CX3CL1: variants seen among roughly 807,000 people sequenced by gnomAD.
CX3CL1 encodes fractalkine.
Under a neutral mutation model 14.1 loss-of-function variants are expected in CX3CL1, and 1 was observed. The ratio of observed to expected loss-of-function variants is 0.07; its 90% confidence interval spans 0.03 to 0.34. CX3CL1 has a LOEUF of 0.34. Ranked by LOEUF, CX3CL1 falls within the 10% of genes least tolerant of loss-of-function variation. CX3CL1 has a pLI of 0.99. For synonymous variants in CX3CL1, 255 were observed against 229.6 expected (o/e 1.11, Z -1.00); for missense variants, 505 against 536.4 (o/e 0.94, Z 0.58).
chr16:57,372,773 A>C, intron 1 of CX3CL1, 135 bp downstream of exon 1: 1 of 810,066 alleles, frequency 1.2e-6, no homozygotes, highest in Non-Finnish European at 2.0e-6. Context: ...TTCCCCAGGG[A>C]TGTGCGAGAG....
intron 1 of CX3CL1, among the ~76,000 whole-genome samples, chr16:57,373,606 T>A (rs1256721212): frequency 6.6e-6 from 1 of 151,978 alleles, no homozygotes; most frequent in Non-Finnish European, 1.5e-5. Context: ...GATATTTCCA[T>A]GGAGCAAACT....
At chr16:57,380,375 C>T (rs71387165) in intron 2 of CX3CL1, among the ~76,000 whole-genome samples, 14,678 of 152,092 alleles carry the variant, frequency 0.097, 944 homozygotes, top group South Asian at 0.19. Flanking sequence ...CTGGCCAACA[C>T]GGTGAAACCC....
chr16:57,380,025 G>A (rs1902297977), intron 2 of CX3CL1, among the ~76,000 whole-genome samples: 1 of 152,194 alleles, frequency 6.6e-6, no homozygotes, highest in African/African-American at 2.4e-5. Context: ...CATGAAGGGT[G>A]GTAATTCCTC....
intron 2 of CX3CL1, among the ~76,000 whole-genome samples, chr16:57,379,999 T>A (rs1451629905): frequency 6.6e-6 from 1 of 152,154 alleles, no homozygotes; most frequent in East Asian, 1.9e-4. Flanking sequence ...CACCCTGGCT[T>A]GTGGCCTGGA....
intron 1 of CX3CL1, among the ~76,000 whole-genome samples, chr16:57,374,449 A>G (rs1902219570): frequency 6.6e-6 from 1 of 152,158 alleles, no homozygotes. Context: ...CCTGGCAAGA[A>G]AGAGAAAAAA....
At position 57,382,444 on chromosome 16, in the gene CX3CL1, C is replaced by T. The variant is rs750530311; in HGVS notation, c.606C>T (p.Pro202=). Residue 202 remains proline (P), a synonymous_variant, in exon 3 of 3, where the codon CCC becomes CCT. Transcript: ENST00000006053. The surrounding 1 kb of genome is among the most constrained non-coding windows in gnomAD (Gnocchi z 6.9). ...STAATWQSSA[P]HQPGPSLWAE... ...CCGCCACGTGGCAGAGTTCTGCTCC[C>T]CACCAACCTGGGCCCAGCCTCTGGG... 1.9e-6 allele frequency: 3 copies of T among 1,612,898 alleles called. No homozygotes were observed. Among genetic ancestry groups the T allele is most frequent in the African/African-American group, 1.3e-5 (1 of 74,918 alleles).
At chr16:57,379,405 A>C (rs1844247411) in intron 1 of CX3CL1, 2 of 516,932 alleles carry the variant, frequency 3.9e-6, no homozygotes, top group Admixed American at 7.0e-5. Flanking sequence ...TCTTATTCTT[A>C]CAACAAGACT....
At chr16:57,372,713 C>T (rs1306835690) in intron 1 of CX3CL1, 75 bp downstream of exon 1, 1 of 1,500,686 alleles carries the variant, frequency 6.7e-7, no homozygotes, top group Non-Finnish European at 9.2e-7. Flanking sequence ...AGCCTGACAT[C>T]AGGGGCCCCA....
In CX3CL1 at chr16:57,382,349, C is replaced by A; in HGVS notation, c.511C>A (p.Pro171Thr). ...VTGSSGTRLP[P>T]TPKAQDGGPV... is the part of the protein sequence containing the mutation. ...TGGTTCCTCAGGGACCAGGCTCCCCCCGACGCCAAAGGCTCAGGATGGAGG... is the reference window on the plus strand; with the variant it reads ...TGGTTCCTCAGGGACCAGGCTCCCCACGACGCCAAAGGCTCAGGATGGAGG... The change falls in exon 3 of 3, where the codon CCG (proline) becomes ACG (threonine). Residue 171 changes from proline (P) to threonine (T), a missense_variant. Pro to Thr is a conservative substitution (Grantham distance 38). Transcript: ENST00000006053. The surrounding 1 kb of genome is among the most constrained non-coding windows in gnomAD (Gnocchi z 6.9). The A allele has an allele frequency of 1.2e-6, 2 of 1,609,458 alleles. No individual in the cohort carries two copies. The highest frequency in any genetic ancestry group is 1.7e-6 in the Non-Finnish European group (2 of 1,179,272).
At chr16:57,381,497 A>G (rs547741271) in intron 2 of CX3CL1, among the ~76,000 whole-genome samples, 1 of 152,248 alleles carries the variant, frequency 6.6e-6, no homozygotes, top group Non-Finnish European at 1.5e-5. Flanking sequence ...ACAAAGTCTC[A>G]TAAGGCCTGT....
chr16:57,384,878 GTCCCC>G lies in CX3CL1; in HGVS notation c.*1847_*1851del, dbSNP rs1343224032. 4 of 152,234 alleles carry G rather than the reference GTCCCC, an allele frequency of 2.6e-5. No homozygotes were observed. Among genetic ancestry groups the G allele is most frequent in the Non-Finnish European group, 4.4e-5 (3 of 68,052 alleles). The allele number at this position is 152,234 out of a possible 1,614,324, so 9.4% of individuals were successfully genotyped here. On this transcript the variant is annotated 3_prime_UTR_variant, in exon 3 of 3. Coordinates refer to ENST00000006053, the MANE Select transcript of CX3CL1 (RefSeq NM_002996.6). ...GTGAGGAAGCCGCTGGGGCCAGTTG[GTCCCC>G]CTTCCATGGACTTTGTTAGTTTCTC...
Position 57,382,808 on chromosome 16 carries a change from C to A in CX3CL1, c.970C>A (p.Leu324Met), listed in dbSNP as rs1902350461. Residue 324 changes from leucine to methionine, a missense_variant, in exon 3 of 3, where the codon CTG (leucine) becomes ATG (methionine). Leu to Met is a conservative substitution (Grantham distance 15). Transcript: ENST00000006053. This position sits in a 1 kb window ranked among gnomAD's most constrained non-coding sequence, Gnocchi z 6.9. The part of the protein sequence containing the change: ...PIHATMDPQR[L>M]GVLITPVPDA... ...CCATGCCACCATGGACCCCCAGAGG[C>A]TGGGCGTCCTTATCACTCCTGTCCC... 1.3e-6 allele frequency: 2 copies of A among 1,597,914 alleles called. No individual in the cohort carries two copies. The highest frequency in any genetic ancestry group is 2.2e-5 in the East Asian group (1 of 44,528).
intron 2 of CX3CL1, among the ~76,000 whole-genome samples, chr16:57,380,921 G>A (rs538944186): frequency 6.0e-4 from 91 of 152,262 alleles, no homozygotes; most frequent in African/African-American, 2.1e-3. Flanking sequence ...CCTCAATTAT[G>A]CAGTTTCTAA....
intron 1 of CX3CL1, among the ~76,000 whole-genome samples, chr16:57,373,518 A>AC (rs1304997667): frequency 1.3e-5 from 2 of 152,080 alleles, no homozygotes; most frequent in Admixed American, 1.3e-4. Flanking sequence ...GAGTGCCCCC[A>AC]CCATCTGGCA....
At chr16:57,381,165 T>C (rs1253274953) in intron 2 of CX3CL1, among the ~76,000 whole-genome samples, 2 of 152,304 alleles carry the variant, frequency 1.3e-5, no homozygotes, top group South Asian at 2.1e-4. Flanking sequence ...TGAGCCTTGG[T>C]TTCCTCATCT....
rs772149273 is a variant in CX3CL1, at chr16:57,382,192, C to T, written c.354C>T (p.Ala118=). The part of the protein sequence containing the change: ...GEVKPRTTPA[A]GGMDESVVLE... ...TGAAGCCCAGGACCACCCCTGCCGC[C>T]GGGGGAATGGACGAGTCTGTGGTCC... The change falls in exon 3 of 3, where the codon GCC becomes GCT. Residue 118 remains alanine (A), a synonymous_variant. Transcript: ENST00000006053. This position sits in a 1 kb window ranked among gnomAD's most constrained non-coding sequence, Gnocchi z 6.9. 1.1e-4 allele frequency: 178 copies of T among 1,613,364 alleles called. 1 individual carries two copies. In the Admixed American group the frequency reaches 2.2e-3, roughly 20 times the overall value.
At chr16:57,372,764 T>C (rs1189105435) in intron 1 of CX3CL1, 126 bp downstream of exon 1, 9 of 855,502 alleles carry the variant, frequency 1.1e-5, no homozygotes, top group South Asian at 4.7e-5. Flanking sequence ...GGCAGCCGCT[T>C]CCCCAGGGAT....
chr16:57,381,890 C>T (rs1313194205), intron 2 of CX3CL1, 140 bp from the exon 3 acceptor site: 2 of 894,776 alleles, frequency 2.2e-6, no homozygotes, highest in African/African-American at 1.7e-5. Context: ...GGTCAGTTGC[C>T]TCACAGACGC....
At position 57,382,799 on chromosome 16, in the gene CX3CL1, C is replaced by A; in HGVS notation, c.961C>A (p.Pro321Thr). ...GGAACCCATCCATGCCACCATGGAC[C>A]CCCAGAGGCTGGGCGTCCTTATCAC... ...AEEPIHATMDPQRLGVLITPV... is the reference protein window; with the variant it reads ...AEEPIHATMDTQRLGVLITPV... Residue 321 changes from proline to threonine, a missense_variant, in exon 3 of 3, where the codon CCC becomes ACC. Coordinates refer to ENST00000006053, the MANE Select transcript of CX3CL1 (RefSeq NM_002996.6). The surrounding 1 kb of genome is among the most constrained non-coding windows in gnomAD (Gnocchi z 6.9). 3.7e-6 allele frequency: 6 copies of A among 1,603,580 alleles called. No homozygotes were observed. The highest frequency in any genetic ancestry group is 1.1e-5 in the South Asian group (1 of 90,664).
Sources: allele counts gnomAD v4.1 joint callset (sites outside exome capture counted in the v4.1 genomes callset), GRCh38; gene constraint gnomAD v4.1.1; non-coding constraint Gnocchi (gnomAD v3.1); transcripts MANE v1.5; gene names NCBI Gene and HGNC (gene_info 2026-07-23, HGNC 2026-07-21).